Variants in FLNA observed in about 807,000 individuals in gnomAD.
The protein encoded by FLNA is filamin A, also known as filamin-A.
In FLNA, 7 loss-of-function variants were observed where a neutral mutation model predicts 157.6. The ratio of observed to expected loss-of-function variants is 0.04; its 90% CI spans 0.03 to 0.08. FLNA has a LOEUF of 0.08. FLNA is among the 10% of genes least tolerant of loss of function. FLNA has a pLI of 1.00. For missense variants in FLNA, 1,750 were observed against 2,398.4 expected (o/e 0.73, Z 5.65); for synonymous variants, 1,103 against 1,060.8 (o/e 1.04, Z -0.77).
intron 2 of FLNA, among the ~76,000 whole-genome samples, chrX:154,369,229 C>T (rs943273560): frequency 1.8e-5 from 2 of 112,375 alleles, no homozygotes; most frequent in Non-Finnish European, 3.8e-5. Context: ...CCTGGCCCCA[C>T]GAGGCTGCCT....
rs1004981975 is a variant in FLNA, at chrX:154,352,647, G to A, written c.6408C>T (p.Gly2136=). 4.1e-6 allele frequency: 5 copies of A among 1,210,620 alleles called. No individual in the cohort carries two copies. The highest frequency in any genetic ancestry group is 1.8e-5 in the South Asian group (1 of 56,970). ...TGATGCTCTCTTTCACCCGGCCCTCGCCTGTCACCTTCACAGAGAAGGGGC... is the reference window on the plus strand; with the variant it reads ...TGATGCTCTCTTTCACCCGGCCCTCACCTGTCACCTTCACAGAGAAGGGGC... ...PGSPFSVKVT[G]EGRVKESITR... Residue 2136 remains glycine (G), a synonymous_variant, in exon 40 of 48, where the codon GGC becomes GGT. Transcript: ENST00000369850.
chrX:154,348,662 C>G lies in FLNA; in HGVS notation c.*187G>C, dbSNP rs1195380869. 1 of 418,225 alleles carries G rather than the reference C, an allele frequency of 2.4e-6. No individual in the cohort carries two copies. The highest frequency in any genetic ancestry group is 4.1e-5 in the East Asian group (1 of 24,342). 34.5% of individuals were successfully genotyped at this position (418,225 alleles called of 1,213,427 possible). A position where few individuals can be genotyped will look rare whatever the true frequency, so the allele number is the denominator to read the frequency against. ...GCGCCACCAAATGGCTCCCTCTGCC[C>G]AAGTGAAAGCCGAGAGGTCAGCGGC... On this transcript the variant is annotated 3_prime_UTR_variant, in exon 48 of 48. Coordinates refer to ENST00000369850, the MANE Select transcript of FLNA (RefSeq NM_001110556.2).
At position 154,358,501 on chromosome X, in the gene FLNA, G is replaced by A. The variant is rs782340956; in HGVS notation, c.4542C>T (p.Ser1514=). Residue 1514 remains serine, a synonymous_variant, in exon 27 of 48, where the codon AGC becomes AGT. Coordinates refer to ENST00000369850, the MANE Select transcript of FLNA (RefSeq NM_001110556.2). The part of the protein sequence containing the change: ...DGTQTVNYVP[S]REGPYSISVL... ...CTGAGATGCTGTAGGGCCCTTCTCG[G>A]CTGGGCACATAATTGACGGTCTGGG... The A allele has an allele frequency of 1.7e-6, 2 of 1,210,428 alleles. No homozygotes were observed. Among genetic ancestry groups the A allele is most frequent in the East Asian group, 5.9e-5 (2 of 33,849 alleles).
At chrX:154,361,080 G>GAAAA (rs2067705553) in intron 21 of FLNA, among the ~76,000 whole-genome samples, 9 of 39,635 alleles carry the variant, frequency 2.3e-4, no homozygotes, top group Non-Finnish European at 3.4e-4. Context: ...AAAAAAAAAA[G>GAAAA]AAAGAAAAAA....
At chrX:154,373,242 T>C (rs782385307) in intron 1 of FLNA, among the ~76,000 whole-genome samples, 12 of 111,981 alleles carry the variant, frequency 1.1e-4, no homozygotes, top group African/African-American at 3.6e-4. Flanking sequence ...AATAATTGAC[T>C]CTCTCTCCAC....
At position 154,371,279 on chromosome X, in the gene FLNA, C is replaced by A. The variant is rs1603364052; in HGVS notation, c.-34G>T. On this transcript the variant is annotated 5_prime_UTR_variant, in exon 2 of 48. Transcript: ENST00000369850. The stretch of plus-strand genomic sequence containing the variant: ...GCGAGAAGCCGGGGGGGCGGTGCTG[C>A]AGCCTCGGCGAGGGGACGGCCCTTT... 8.4e-7 allele frequency: 1 copy of A among 1,192,124 alleles called. No individual in the cohort carries two copies. Among genetic ancestry groups the A allele is most frequent in the South Asian group, 1.8e-5 (1 of 54,978 alleles).
intron 2 of FLNA, 138 bp downstream of exon 2, chrX:154,370,735 G>A: frequency 1.5e-6 from 1 of 688,683 alleles, no homozygotes; most frequent in Non-Finnish European, 2.1e-6. Context: ...GCAGGCCCGC[G>A]TGGAGCAGAG....
chrX:154,356,809 C>A (rs2067666685), intron 30 of FLNA, among the ~76,000 whole-genome samples: 1 of 112,704 alleles, frequency 8.9e-6, no homozygotes, highest in Non-Finnish European at 1.9e-5. Flanking sequence ...GCCCGGGACG[C>A]AGAGGCCCCT....
intron 21 of FLNA, among the ~76,000 whole-genome samples, chrX:154,360,915 C>T (rs1409607538): frequency 9.3e-6 from 1 of 107,260 alleles, no homozygotes; most frequent in Non-Finnish European, 1.9e-5. Flanking sequence ...GGCATGGTGG[C>T]GGGCACCTGT....
At chrX:154,368,122 A>G (rs2067777002) in intron 2 of FLNA, 32 bp from the exon 3 acceptor site, 1 of 1,208,146 alleles carries the variant, frequency 8.3e-7, no homozygotes, top group African/African-American at 1.8e-5. Flanking sequence ...CGCTGGGCAC[A>G]CGGCTGTGCG....
intron 30 of FLNA, among the ~76,000 whole-genome samples, chrX:154,355,288 G>A (rs1032667587): frequency 8.8e-6 from 1 of 113,703 alleles, no homozygotes; most frequent in African/African-American, 3.2e-5. Flanking sequence ...AAGTGCCCAT[G>A]TGGGAGAGGC....
rs782166620 is a variant in FLNA, at chrX:154,364,552, C to A, written c.1996G>T (p.Ala666Ser). 5 of 1,210,572 alleles carry A rather than the reference C, an allele frequency of 4.1e-6. No individual in the cohort carries two copies. In the South Asian group the frequency reaches 7.0e-5, roughly 17 times the overall value. The change falls in exon 13 of 48, where the codon GCG (alanine) becomes TCG (serine). Residue 666 changes from alanine (A) to serine (S), a missense_variant. This residue lies in a region of FLNA where 648 missense variants were observed against 805.8 expected (regional missense o/e 0.80). Coordinates refer to ENST00000369850, the MANE Select transcript of FLNA (RefSeq NM_001110556.2). ...CTGTCTGGGTGGAAGTCCTGGGGCG[C>A]GTCACGGATGTCAGCCATGAAGGGG... ...LSPFMADIRD[A>S]PQDFHPDRVK... is the part of the protein sequence containing the mutation.
Position 154,364,037 on chromosome X carries a change from G to A in FLNA, c.2265C>T (p.Pro755=). 8.3e-7 allele frequency: 1 copy of A among 1,211,141 alleles called. No individual in the cohort carries two copies. Among genetic ancestry groups the A allele is most frequent in the Non-Finnish European group, 1.1e-6 (1 of 895,141 alleles). Residue 755 remains proline (P), a synonymous_variant, in exon 15 of 48, where the codon CCC becomes CCT. Coordinates refer to ENST00000369850, the MANE Select transcript of FLNA (RefSeq NM_001110556.2). ...GTTGGCTCACCCTGAAGGGGCTGTT[G>A]GGGATGCTGACGCCTCCCCAGGACA... ...AMVSWGGVSI[P]NSPFRVNVGA...
rs1173352292 is a variant in FLNA at position 154,353,929 on chromosome X, T to C, written c.5672A>G (p.Lys1891Arg). Reference sequence around the variant, plus strand: ...CTATTGCTCACCCTCTCCTGCATCCTTGGTGTTGACGGTGAAGGTGGCAGG... The same window carrying C: ...CTATTGCTCACCCTCTCCTGCATCCCTGGTGTTGACGGTGAAGGTGGCAGG... The part of the protein sequence containing the change: ...NKPATFTVNT[K>R]DAGEGGLSLA... The change falls in exon 35 of 48, where the codon AAG (lysine) becomes AGG (arginine). Residue 1891 changes from lysine to arginine, a missense_variant. Lys to Arg is a conservative substitution (Grantham distance 26). Coordinates refer to ENST00000369850, the MANE Select transcript of FLNA (RefSeq NM_001110556.2). 1 of 1,210,981 alleles carries C rather than the reference T, an allele frequency of 8.3e-7. No individual in the cohort carries two copies. Among genetic ancestry groups the C allele is most frequent in the Non-Finnish European group, 1.1e-6 (1 of 895,300 alleles).
intron 30 of FLNA, 95 bp from the exon 31 acceptor site, chrX:154,355,167 T>TGCC (rs2067653462): frequency 8.2e-6 from 8 of 973,121 alleles, no homozygotes; most frequent in Non-Finnish European, 1.1e-5. Flanking sequence ...GGCCTCTCAT[T>TGCC]GCCACCACCA....
rs200836471 is a variant in FLNA, at chrX:154,348,866, G to A, written c.7927C>T (p.Arg2643Cys). 6.9e-5 allele frequency: 83 copies of A among 1,207,444 alleles called. No individual in the cohort carries two copies. The highest frequency in any genetic ancestry group is 8.8e-5 in the South Asian group (5 of 56,660). Reference protein sequence around the residue: ...GDEHIPGSPYRVVVP With the variant: ...GDEHIPGSPYCVVVP Reference sequence around the variant, plus strand: ...CCCCAGACTCAGGGCACCACAACGCGGTAGGGGCTGCCTGGGATGTGCTCG... The same window carrying A: ...CCCCAGACTCAGGGCACCACAACGCAGTAGGGGCTGCCTGGGATGTGCTCG... The change falls in exon 48 of 48, where the codon CGC (arginine) becomes TGC (cysteine). Residue 2643 changes from arginine (R) to cysteine (C), a missense_variant. Physicochemically the swap from Arg to Cys is radical, Grantham distance 180. Transcript: ENST00000369850.
In FLNA at chrX:154,365,453, C is replaced by T. The variant is rs1315056698; in HGVS notation, c.1463G>A (p.Arg488Gln). The change falls in exon 10 of 48, where the codon CGG becomes CAG. Residue 488 changes from arginine to glutamine, a missense_variant. Transcript: ENST00000369850. ...CNPSACRAVG[R>Q]GLQPKGVRVK... ...CCGCACACCCTTGGGCTGGAGGCCCCGGCCAACCGCCCGGCAGGCACTCGG... is the reference window on the plus strand; with the variant it reads ...CCGCACACCCTTGGGCTGGAGGCCCTGGCCAACCGCCCGGCAGGCACTCGG... 13 of 1,210,222 alleles carry T rather than the reference C, an allele frequency of 1.1e-5. No homozygotes were observed. Among genetic ancestry groups the T allele is most frequent in the Non-Finnish European group, 1.5e-5 (13 of 895,121 alleles).
At position 154,355,739 on chromosome X, in the gene FLNA, C is replaced by T. The variant is rs782465531; in HGVS notation, c.4970-667G>A. On this transcript the variant is annotated intron_variant, in intron 30 of 47. Coordinates refer to ENST00000369850, the MANE Select transcript of FLNA (RefSeq NM_001110556.2). The stretch of plus-strand genomic sequence containing the variant: ...GACAGGGAACAGGAGGCCCAAGCTA[C>T]AGCCACCACTGCTGGGTTGCGAGGG... Among the ~76,000 whole-genome samples, 5 of 113,146 alleles carry T rather than the reference C, an allele frequency of 4.4e-5. No individual in the cohort carries two copies. The East Asian group carries it at 1.4e-3, about 31-fold the overall frequency.
At position 154,357,317 on chromosome X, in the gene FLNA, T is replaced by C. The variant is rs369426225; in HGVS notation, c.4946-43A>G. ...AGAGCAAGGAGAAAGGTCAGGTGAG[T>C]CACTCAAGGGGGCGGCCCCCACTCC... is the stretch of plus-strand genomic sequence containing the variant. On this transcript the variant is annotated intron_variant, in intron 29 of 47. Transcript: ENST00000369850. 2.7e-5 allele frequency: 33 copies of C among 1,200,392 alleles called. No individual in the cohort carries two copies. The African/African-American group carries it at 5.6e-4, about 20-fold the overall frequency.
Sources: allele counts gnomAD v4.1 joint callset (sites outside exome capture counted in the v4.1 genomes callset), GRCh38; gene constraint gnomAD v4.1.1; regional missense constraint gnomAD v4.1.1; transcripts MANE v1.5; gene names NCBI Gene and HGNC (gene_info 2026-07-23, HGNC 2026-07-21).